Variants in PCDHA8 observed in about 807,000 individuals in gnomAD.
PCDHA8 encodes the protein protocadherin alpha-8.
In PCDHA8, 53 loss-of-function variants were observed where a neutral mutation model predicts 61.8. That is an observed-to-expected ratio of 0.86 (90% CI 0.69 to 1.08). PCDHA8 has a LOEUF of 1.08. Ranked by LOEUF, PCDHA8 falls within the 50% of genes least tolerant of loss-of-function variation. PCDHA8 has a pLI of 0.00. For missense variants in PCDHA8, 1,293 were observed against 1,245.0 expected (o/e 1.04, Z -0.58); for synonymous variants, 618 against 556.6 (o/e 1.11, Z -1.55).
At chr5:140,852,822 T>C in intron 1 of PCDHA8, 1 of 971,316 alleles carries the variant, frequency 1.0e-6, no homozygotes, top group East Asian at 1.1e-4. Flanking sequence ...CCCTAAGTCC[T>C]CCAGTCTCCT....
rs782495760 is a variant in PCDHA8 at position 141,010,201 on chromosome 5, C to T, written c.*264C>T. Reference sequence around the variant, plus strand: ...GCAGACCCAAGTTTCCTTTCTCCTCCGCCGCAAAGGAGAGGCTTCCCAGCC... The same window carrying T: ...GCAGACCCAAGTTTCCTTTCTCCTCTGCCGCAAAGGAGAGGCTTCCCAGCC... On this transcript the variant is annotated 3_prime_UTR_variant, in exon 4 of 4. Coordinates refer to ENST00000531613, the MANE Select transcript of PCDHA8 (RefSeq NM_018911.3). The T allele has an allele frequency of 1.3e-5, 20 of 1,552,034 alleles. No individual in the cohort carries two copies. The East Asian group carries it at 1.7e-4, about 13-fold the overall frequency.
At position 140,844,006 on chromosome 5, in the gene PCDHA8, C is replaced by T. The variant is rs1258789343; in HGVS notation, c.2394+291C>T. Among the ~76,000 whole-genome samples, 3 of 149,656 alleles carry T rather than the reference C, an allele frequency of 2.0e-5. No homozygotes were observed. In the Admixed American group the frequency reaches 2.0e-4, roughly 10 times the overall value. ...ACAGCCGTCTTCTCTGAACAATACT[C>T]TAAGGACGTTCAGGGCATTTTGATC... is the stretch of plus-strand genomic sequence containing the variant. On this transcript the variant is annotated intron_variant, in intron 1 of 3. Coordinates refer to ENST00000531613, the MANE Select transcript of PCDHA8 (RefSeq NM_018911.3).
At chr5:140,995,203 T>G (rs2097669345) in intron 3 of PCDHA8, among the ~76,000 whole-genome samples, 2 of 152,180 alleles carry the variant, frequency 1.3e-5, no homozygotes, top group African/African-American at 2.4e-5. Flanking sequence ...ATTTATAAAT[T>G]AGGCACAATA....
chr5:140,899,019 G>A (rs2067099712), intron 1 of PCDHA8, among the ~76,000 whole-genome samples: 1 of 151,834 alleles, frequency 6.6e-6, no homozygotes, highest in African/African-American at 2.4e-5. Flanking sequence ...AAGAATGCTT[G>A]TGATTTTTGT....
At chr5:141,006,035 G>T (rs529655038) in intron 3 of PCDHA8, among the ~76,000 whole-genome samples, 7 of 151,222 alleles carry the variant, frequency 4.6e-5, no homozygotes, top group Admixed American at 2.0e-4. Flanking sequence ...GTAAGAGGGA[G>T]ATTTGTAGAT....
intron 1 of PCDHA8, chr5:140,851,226 A>G (rs2041995732): frequency 3.5e-6 from 4 of 1,139,724 alleles, no homozygotes; most frequent in Non-Finnish European, 4.5e-6. Context: ...CATCACTATC[A>G]TTTATTTATT....
At chr5:140,927,457 A>G in intron 1 of PCDHA8, 1 of 1,614,098 alleles carries the variant, frequency 6.2e-7, no homozygotes, top group Non-Finnish European at 8.5e-7. Flanking sequence ...GGTGTTGGAG[A>G]AAGCACTGGA....
intron 1 of PCDHA8, among the ~76,000 whole-genome samples, chr5:140,910,919 T>G (rs2075230231): frequency 6.6e-6 from 1 of 152,154 alleles, no homozygotes; most frequent in Admixed American, 6.5e-5. Flanking sequence ...TTTTTGCTTA[T>G]ATAAATAAGA....
At chr5:140,883,519 C>T (rs1554178517) in intron 1 of PCDHA8, 12 of 1,614,190 alleles carry the variant, frequency 7.4e-6, no homozygotes, top group Non-Finnish European at 1.0e-5. Flanking sequence ...ACCGCGAGAG[C>T]GTATCAGCCT....
chr5:140,889,720 T>C (rs1259294888), intron 1 of PCDHA8, among the ~76,000 whole-genome samples: 1 of 152,240 alleles, frequency 6.6e-6, no homozygotes, highest in African/African-American at 2.4e-5. Context: ...TCTTTGCTAC[T>C]GTCTCACTGA....
At chr5:140,953,092 G>A (rs141861684) in intron 1 of PCDHA8, among the ~76,000 whole-genome samples, 2 of 152,252 alleles carry the variant, frequency 1.3e-5, no homozygotes, top group South Asian at 2.1e-4. Context: ...ATTACAATTT[G>A]ACATGAGATT....
intron 3 of PCDHA8, 32 bp downstream of exon 3, chr5:140,982,595 G>A (rs1554244629): frequency 6.2e-7 from 1 of 1,609,520 alleles, no homozygotes; most frequent in Non-Finnish European, 8.5e-7. Flanking sequence ...ATTCTTTCTT[G>A]GTTTCTGGAA....
chr5:140,954,843 G>T (rs1011520662), intron 1 of PCDHA8, among the ~76,000 whole-genome samples: 4 of 152,058 alleles, frequency 2.6e-5, no homozygotes, highest in African/African-American at 9.7e-5. Flanking sequence ...TGAAATCTTT[G>T]CCTGTGCCTA....
intron 1 of PCDHA8, among the ~76,000 whole-genome samples, chr5:140,917,749 C>G (rs2078340847): frequency 6.6e-6 from 1 of 152,144 alleles, no homozygotes; most frequent in African/African-American, 2.4e-5. Flanking sequence ...TCCCATTGGT[C>G]TATGTGTCTG....
intron 1 of PCDHA8, among the ~76,000 whole-genome samples, chr5:140,913,140 G>T (rs1562991745): frequency 6.6e-6 from 1 of 152,068 alleles, no homozygotes; most frequent in African/African-American, 2.4e-5. Context: ...CTACTTTTTG[G>T]AATAGTTTGA....
chr5:140,966,707 A>C, intron 1 of PCDHA8: 1 of 1,379,868 alleles, frequency 7.2e-7, no homozygotes, highest in Non-Finnish European at 9.3e-7. Context: ...GGCGTGGGGC[A>C]CGGCTGGGGA....
intron 1 of PCDHA8, among the ~76,000 whole-genome samples, chr5:140,911,247 A>G (rs2075389238): frequency 6.6e-6 from 1 of 152,124 alleles, no homozygotes; most frequent in Non-Finnish European, 1.5e-5. Context: ...AAAAAGTTTC[A>G]TCAGAATTTA....
intron 1 of PCDHA8, chr5:140,877,942 C>T: frequency 7.3e-7 from 1 of 1,367,876 alleles, no homozygotes; most frequent in Admixed American, 3.1e-5. Flanking sequence ...ATCCTTTAAA[C>T]TATCGAATGT....
chr5:140,869,159 T>C, intron 1 of PCDHA8: 1 of 1,613,792 alleles, frequency 6.2e-7, no homozygotes, highest in Non-Finnish European at 8.5e-7. Flanking sequence ...CTCTGGCTTC[T>C]CCTCCTCGAA....
Sources: allele counts gnomAD v4.1 joint callset (sites outside exome capture counted in the v4.1 genomes callset), GRCh38; gene constraint gnomAD v4.1.1; transcripts MANE v1.5; gene names NCBI Gene and HGNC (gene_info 2026-07-23, HGNC 2026-07-21).